Variants in CAPZB observed in about 807,000 individuals in gnomAD.
CAPZB encodes the protein F-actin-capping protein subunit beta.
In CAPZB, 2 loss-of-function variants were observed where a neutral mutation model predicts 38.1. The ratio of observed to expected loss-of-function variants is 0.05; its 90% CI spans 0.02 to 0.17. The LOEUF (loss-of-function observed/expected upper bound fraction) is 0.17. Among genes scored for constraint, CAPZB ranks in the 10% least tolerant of loss-of-function variants. The probability of loss-of-function intolerance (pLI) is 1.00; values close to 1 mark genes in which losing one functional copy is unlikely to be tolerated. For synonymous variants in CAPZB, 107 were observed against 127.4 expected, an observed-to-expected ratio of 0.84 and a Z score of 1.08; for missense variants, 161 against 334.2, an observed-to-expected ratio of 0.48 and a Z score of 4.04.
At chr1:19,414,836 C>A (rs1333547365) in intron 2 of CAPZB, among the ~76,000 whole-genome samples, 2 of 152,200 alleles carry the variant, frequency 1.3e-5, no homozygotes, top group Admixed American at 6.5e-5. Flanking sequence ...ATTTTTGAAA[C>A]AGCTTAACAA....
At chr1:19,342,751 C>T (rs2093937468) in intron 8 of CAPZB, 5 of 1,599,094 alleles carry the variant, frequency 3.1e-6, no homozygotes, top group East Asian at 2.2e-5. Flanking sequence ...AGGCAGGGTA[C>T]CTGGATCGGC....
intron 4 of CAPZB, among the ~76,000 whole-genome samples, chr1:19,372,751 G>A (rs571339302): frequency 1.3e-5 from 2 of 152,226 alleles, no homozygotes; most frequent in African/African-American, 4.8e-5. Context: ...AGCTGCCCAG[G>A]AGTCGGCCCG....
At chr1:19,438,099 G>C (rs1459054134) in intron 1 of CAPZB, among the ~76,000 whole-genome samples, 3 of 152,156 alleles carry the variant, frequency 2.0e-5, no homozygotes, top group Non-Finnish European at 4.4e-5. Context: ...TCAGGGGAGG[G>C]GACCGGGCAC....
intron 2 of CAPZB, among the ~76,000 whole-genome samples, chr1:19,406,435 G>A (rs182079402): frequency 1.3e-5 from 2 of 152,284 alleles, no homozygotes; most frequent in Admixed American, 1.3e-4. Flanking sequence ...TTTCAACGTG[G>A]GAAGGGGGAA....
chr1:19,419,458 A>T (rs966471433), intron 2 of CAPZB, among the ~76,000 whole-genome samples: 1 of 152,208 alleles, frequency 6.6e-6, no homozygotes, highest in Non-Finnish European at 1.5e-5. Flanking sequence ...CTTGGGCTTC[A>T]ACAACACAGA....
At chr1:19,348,239 G>C (rs1479324263) in intron 6 of CAPZB, among the ~76,000 whole-genome samples, 4 of 152,002 alleles carry the variant, frequency 2.6e-5, no homozygotes, top group African/African-American at 9.7e-5. Flanking sequence ...TACATCTGCA[G>C]GGCTGGATTC....
At chr1:19,396,207 C>T (rs1294382067) in intron 2 of CAPZB, among the ~76,000 whole-genome samples, 2 of 152,206 alleles carry the variant, frequency 1.3e-5, no homozygotes, top group Non-Finnish European at 2.9e-5. Context: ...GTCTGGACGG[C>T]CTCATGCCCG....
intron 4 of CAPZB, among the ~76,000 whole-genome samples, chr1:19,374,627 C>T (rs2094135752): frequency 6.6e-6 from 1 of 152,378 alleles, no homozygotes; most frequent in East Asian, 1.9e-4. Flanking sequence ...GGGGTGGCTT[C>T]TCCGGCCACT....
chr1:19,462,172 G>C (rs1432563544), intron 1 of CAPZB, among the ~76,000 whole-genome samples: 1 of 151,720 alleles, frequency 6.6e-6, no homozygotes, highest in Non-Finnish European at 1.5e-5. Context: ...AAAAATTAAG[G>C]CCAGGCGCGG....
chr1:19,418,136 CAAAAAAAA>C (rs59390448), intron 2 of CAPZB, among the ~76,000 whole-genome samples: 5 of 35,328 alleles, frequency 1.4e-4, no homozygotes, highest in Admixed American at 4.5e-4. Flanking sequence ...ACTCTGTCAC[CAAAAAAAA>C]AAAAAAAAAA....
At chr1:19,378,016 G>A (rs1031824414) in intron 4 of CAPZB, among the ~76,000 whole-genome samples, 13 of 152,190 alleles carry the variant, frequency 8.5e-5, no homozygotes, top group African/African-American at 2.7e-4. Context: ...AGAAGTGAGC[G>A]TGTGGTATGG....
chr1:19,362,253 T>C lies in CAPZB; in HGVS notation c.330-4690A>G, dbSNP rs1569959034. ...GGCTGGAGTGCTTTATTTTATTTTT[T>C]TGAGACAGAGTCTCGCTCTGTCGCC... is the stretch of plus-strand genomic sequence containing the variant. On this transcript the variant is annotated intron_variant, in intron 4 of 8. Transcript: ENST00000264202. 3.3e-5 allele frequency among the ~76,000 whole-genome samples: 5 copies of C among 152,246 alleles called. 1 individual carries two copies. Among genetic ancestry groups the C allele is most frequent in the Admixed American group, 3.3e-4 (5 of 15,290 alleles).
chr1:19,344,538 G>C (rs1569863832), intron 7 of CAPZB, 104 bp from the exon 8 acceptor site: 1 of 880,476 alleles, frequency 1.1e-6, no homozygotes, highest in East Asian at 2.4e-5. Context: ...GGCCACTGGA[G>C]GGTGGCACAC....
intron 1 of CAPZB, among the ~76,000 whole-genome samples, chr1:19,470,123 G>A (rs1337167373): frequency 6.6e-6 from 1 of 152,178 alleles, no homozygotes; most frequent in African/African-American, 2.4e-5. Flanking sequence ...GGAGGCTGAG[G>A]CAAGAGGACT....
intron 1 of CAPZB, among the ~76,000 whole-genome samples, chr1:19,425,211 C>G (rs541289581): frequency 1.3e-5 from 2 of 152,240 alleles, no homozygotes; most frequent in African/African-American, 4.8e-5. Flanking sequence ...CAGGCACCTC[C>G]TTCATACAAT....
chr1:19,461,575 G>A (rs901055674), intron 1 of CAPZB, among the ~76,000 whole-genome samples: 4 of 152,222 alleles, frequency 2.6e-5, no homozygotes, highest in African/African-American at 9.6e-5. Flanking sequence ...TCCTAAACCC[G>A]CAGGGCCATT....
At chr1:19,472,517 TG>T (rs2094592516) in intron 1 of CAPZB, among the ~76,000 whole-genome samples, 1 of 152,024 alleles carries the variant, frequency 6.6e-6, no homozygotes, top group African/African-American at 2.4e-5. Flanking sequence ...CCTCATACTA[TG>T]CTCTATTATT....
intron 6 of CAPZB, among the ~76,000 whole-genome samples, chr1:19,355,161 T>C (rs2094013583): frequency 6.6e-6 from 1 of 152,188 alleles, no homozygotes; most frequent in South Asian, 2.1e-4. Context: ...TGCATGTAGA[T>C]GTTGTTGTAA....
chr1:19,433,900 C>T (rs1430382775), intron 1 of CAPZB, among the ~76,000 whole-genome samples: 2 of 152,232 alleles, frequency 1.3e-5, no homozygotes, highest in Non-Finnish European at 2.9e-5. Flanking sequence ...ACGCTCTACA[C>T]TGACACCATG....
Sources: gnomAD v4.1 joint callset for allele counts (sites outside exome capture counted in the v4.1 genomes callset) on GRCh38, gnomAD v4.1.1 for gene constraint, MANE v1.5 for transcripts, NCBI Gene and HGNC (gene_info 2026-07-23, HGNC 2026-07-21) for gene names.